The following PBX3 variants were observed in gnomAD, a reference collection of about 807,000 sequenced individuals.
PBX3 encodes the protein PBX homeobox 3.
A neutral mutation model predicts 48.5 loss-of-function variants in PBX3; 14 were observed. That is an observed-to-expected ratio of 0.29 (90% CI 0.19 to 0.45). PBX3 has a LOEUF of 0.45. PBX3 is among the 20% of genes least tolerant of loss of function. The probability of loss-of-function intolerance (pLI) is 1.00; values close to 1 mark genes in which losing one functional copy is unlikely to be tolerated. For synonymous variants in PBX3, 210 were observed against 200.3 expected, an observed-to-expected ratio of 1.05 and a Z score of -0.41; for missense variants, 386 against 546.7, an observed-to-expected ratio of 0.71 and a Z score of 2.93.
At chr9:125,873,906 G>GA (rs1480536473) in intron 2 of PBX3, among the ~76,000 whole-genome samples, 3 of 152,016 alleles carry the variant, frequency 2.0e-5, no homozygotes, top group Non-Finnish European at 4.4e-5. Context: ...TTTGTGCTTT[G>GA]AAAATTTATG....
In PBX3 at chr9:125,756,861, A is replaced by G. The variant is rs77098781; in HGVS notation, c.274+8238A>G. On this transcript the variant is annotated intron_variant, in intron 2 of 8. Coordinates refer to ENST00000373489, the MANE Select transcript of PBX3 (RefSeq NM_006195.6). ...GCTTTTCTAAATGAAACACTTGGTTACTTTAAATTCTCACTCCCTTCTCTG... is the reference window on the plus strand; with the variant it reads ...GCTTTTCTAAATGAAACACTTGGTTGCTTTAAATTCTCACTCCCTTCTCTG... 7.9e-5 allele frequency among the ~76,000 whole-genome samples: 12 copies of G among 152,336 alleles called. No individual in the cohort carries two copies. In the East Asian group the frequency reaches 2.3e-3, roughly 29 times the overall value.
At chr9:125,959,871 C>T (rs914460464) in intron 5 of PBX3, among the ~76,000 whole-genome samples, 4 of 152,088 alleles carry the variant, frequency 2.6e-5, no homozygotes, top group African/African-American at 9.7e-5. Context: ...TTATATAGCT[C>T]AATTACAGGT....
intron 2 of PBX3, among the ~76,000 whole-genome samples, chr9:125,823,157 G>A (rs901800559): frequency 5.9e-5 from 9 of 152,120 alleles, no homozygotes; most frequent in African/African-American, 1.9e-4. Flanking sequence ...AAATACAGTT[G>A]TGGGAAAAGT....
chr9:125,961,118 T>C (rs1588345047), intron 6 of PBX3, among the ~76,000 whole-genome samples: 1 of 152,342 alleles, frequency 6.6e-6, no homozygotes, highest in East Asian at 1.9e-4. Flanking sequence ...TTAGGCAGAG[T>C]GCTATCGCTC....
At chr9:125,831,981 C>G (rs921220352) in intron 2 of PBX3, among the ~76,000 whole-genome samples, 3 of 152,036 alleles carry the variant, frequency 2.0e-5, no homozygotes, top group African/African-American at 7.2e-5. Context: ...CTTAAGGGTA[C>G]TTATTGCTAC....
At chr9:125,916,555 T>C (rs1185643161) in intron 3 of PBX3, among the ~76,000 whole-genome samples, 4 of 152,184 alleles carry the variant, frequency 2.6e-5, no homozygotes, top group African/African-American at 7.2e-5. Flanking sequence ...GCAATTATAT[T>C]AACCATACTG....
chr9:125,857,009 A>G (rs940270917), intron 2 of PBX3, among the ~76,000 whole-genome samples: 47 of 152,220 alleles, frequency 3.1e-4, no homozygotes, highest in African/African-American at 1.1e-3. Context: ...TTAGCTATAA[A>G]TGAAGAAGAT....
At chr9:125,935,376 GA>G in intron 4 of PBX3, 95 bp from the exon 5 acceptor site, 1 of 1,070,798 alleles carries the variant, frequency 9.3e-7, no homozygotes, top group Non-Finnish European at 1.4e-6. Flanking sequence ...TGTTTAAAAA[GA>G]GAAATCTACT....
Position 125,828,740 on chromosome 9 carries a change from A to C in PBX3, c.274+80117A>C, listed in dbSNP as rs560400086. On this transcript the variant is annotated intron_variant, in intron 2 of 8. Transcript: ENST00000373489. Reference sequence around the variant, plus strand: ...TTAAAAGTTTGGTAATATGTTTAGAATGTTCAGTTTATTCAATTTGTTAGA... The same window carrying C: ...TTAAAAGTTTGGTAATATGTTTAGACTGTTCAGTTTATTCAATTTGTTAGA... Among the ~76,000 whole-genome samples, 4 of 152,338 alleles carry C rather than the reference A, an allele frequency of 2.6e-5. No homozygotes were observed. In the South Asian group the frequency reaches 8.3e-4, roughly 32 times the overall value.
chr9:125,877,573 AT>A (rs978019936), intron 2 of PBX3, among the ~76,000 whole-genome samples: 3 of 152,240 alleles, frequency 2.0e-5, no homozygotes, highest in Admixed American at 6.5e-5. Context: ...AATATATTCT[AT>A]TTTTTATACC....
At chr9:125,816,959 T>C (rs534614558) in intron 2 of PBX3, among the ~76,000 whole-genome samples, 17 of 152,346 alleles carry the variant, frequency 1.1e-4, no homozygotes, top group East Asian at 9.6e-4. Context: ...AGAGTTCTTA[T>C]ATGGTTTCAT....
intron 2 of PBX3, among the ~76,000 whole-genome samples, chr9:125,790,295 C>T (rs1033554477): frequency 2.6e-4 from 39 of 151,786 alleles, no homozygotes; most frequent in African/African-American, 9.5e-4. Context: ...CTCTGTCACC[C>T]AGGCTGGAGT....
At chr9:125,867,795 CAT>C (rs886791516) in intron 2 of PBX3, among the ~76,000 whole-genome samples, 3 of 151,748 alleles carry the variant, frequency 2.0e-5, no homozygotes, top group South Asian at 2.1e-4. Context: ...TATACACACA[CAT>C]ATATATACAC....
chr9:125,890,605 G>A (rs564442190), intron 2 of PBX3, among the ~76,000 whole-genome samples: 1 of 152,322 alleles, frequency 6.6e-6, no homozygotes, highest in South Asian at 2.1e-4. Flanking sequence ...CTTGGCTCTA[G>A]TCAAGAAATA....
intron 2 of PBX3, among the ~76,000 whole-genome samples, chr9:125,868,912 T>C (rs1311086543): frequency 6.6e-6 from 1 of 152,124 alleles, no homozygotes; most frequent in Non-Finnish European, 1.5e-5. Flanking sequence ...AGATGAATTT[T>C]TGAGGGCCAC....
chr9:125,780,357 G>T (rs1346518326), intron 2 of PBX3, among the ~76,000 whole-genome samples: 1 of 142,802 alleles, frequency 7.0e-6, no homozygotes, highest in Non-Finnish European at 1.5e-5. Context: ...GCGGCTGGCT[G>T]GGCGGGGAGC....
rs768158979 is a variant in PBX3 at position 125,935,544 on chromosome 9, C to T, written c.780C>T (p.Asn260=). Reference sequence around the variant, plus strand: ...AATATTTTTACTCACACCTCAGCAACCCCTACCCCAGTGAAGAAGCCAAAG... The same window carrying T: ...AATATTTTTACTCACACCTCAGCAATCCCTACCCCAGTGAAGAAGCCAAAG... ...LNEYFYSHLS[N]PYPSEEAKEE... The change falls in exon 5 of 9, where the codon AAC becomes AAT. Residue 260 remains asparagine (N), a synonymous_variant. Coordinates refer to ENST00000373489, the MANE Select transcript of PBX3 (RefSeq NM_006195.6). 5.6e-5 allele frequency: 90 copies of T among 1,613,714 alleles called. No individual in the cohort carries two copies. Among genetic ancestry groups the T allele is most frequent in the Non-Finnish European group, 7.5e-5 (89 of 1,179,822 alleles).
chr9:125,798,699 T>C (rs1837854089), intron 2 of PBX3, among the ~76,000 whole-genome samples: 2 of 152,130 alleles, frequency 1.3e-5, no homozygotes, highest in South Asian at 4.1e-4. Context: ...CATTATATCA[T>C]GCCCTTATGT....
chr9:125,845,940 A>C (rs1839416475), intron 2 of PBX3, among the ~76,000 whole-genome samples: 1 of 152,114 alleles, frequency 6.6e-6, no homozygotes. Context: ...ATTTTATTGT[A>C]TTGTTGCATT....
Sources: allele counts gnomAD v4.1 joint callset (sites outside exome capture counted in the v4.1 genomes callset), GRCh38; gene constraint gnomAD v4.1.1; transcripts MANE v1.5; gene names NCBI Gene and HGNC (gene_info 2026-07-23, HGNC 2026-07-21).